COL24A1: variants seen among roughly 807,000 people sequenced by gnomAD.
COL24A1 encodes collagen type XXIV alpha 1 chain.
A neutral mutation model predicts 253.9 loss-of-function variants in COL24A1; 224 were observed. That is an observed-to-expected ratio of 0.88 (90% CI 0.79 to 0.99). The LOEUF (loss-of-function observed/expected upper bound fraction) is 0.99, where lower values mean the gene tolerates loss of function less well. Among genes scored for constraint, COL24A1 ranks in the 50% least tolerant of loss-of-function variants. The pLI is 0.00. For synonymous variants in COL24A1, 685 were observed against 673.7 expected (o/e 1.02, Z -0.26); for missense variants, 2,131 against 2,068.5 (o/e 1.03, Z -0.59).
chr1:85,774,012 A>T (rs1668262465), intron 53 of COL24A1, among the ~76,000 whole-genome samples: 1 of 152,164 alleles, frequency 6.6e-6, no homozygotes, highest in South Asian at 2.1e-4. Context: ...TGGGTTTGTC[A>T]TAAATAGCTC....
At chr1:85,804,736 C>T (rs1373968720) in intron 47 of COL24A1, among the ~76,000 whole-genome samples, 3 of 152,156 alleles carry the variant, frequency 2.0e-5, no homozygotes, top group Non-Finnish European at 2.9e-5. Flanking sequence ...CATCTCCCAC[C>T]AGGTCCCTCC....
At chr1:85,999,490 G>A (rs193160635) in intron 19 of COL24A1, among the ~76,000 whole-genome samples, 12 of 152,030 alleles carry the variant, frequency 7.9e-5, no homozygotes, top group Non-Finnish European at 1.8e-4. Context: ...GAGTGTGGTA[G>A]TGCATGCCTG....
chr1:85,971,487 G>T, intron 20 of COL24A1, 94 bp from the exon 21 acceptor site: 1 of 1,041,942 alleles, frequency 9.6e-7, no homozygotes, highest in Non-Finnish European at 1.4e-6. Flanking sequence ...AATACTCTTT[G>T]AAACCATTCA....
chr1:85,804,566 G>C (rs749408220), intron 47 of COL24A1, among the ~76,000 whole-genome samples: 1 of 152,186 alleles, frequency 6.6e-6, no homozygotes, highest in Non-Finnish European at 1.5e-5. Context: ...TCACAATTAT[G>C]GTGGAAGGCA....
intron 43 of COL24A1, among the ~76,000 whole-genome samples, chr1:85,830,307 G>A (rs60049801): frequency 0.01 from 1,539 of 152,232 alleles, 30 homozygotes; most frequent in African/African-American, 0.035. Context: ...CATGCTGGGA[G>A]AACCACTGCT....
At chr1:86,133,649 C>T (rs950705921) in intron 2 of COL24A1, among the ~76,000 whole-genome samples, 6 of 152,194 alleles carry the variant, frequency 3.9e-5, no homozygotes, top group South Asian at 4.2e-4. Context: ...TGCTGGATTA[C>T]GTTTATTGAT....
chr1:86,089,054 C>T (rs1264640443), intron 7 of COL24A1, 120 bp downstream of exon 7: 1 of 686,492 alleles, frequency 1.5e-6, no homozygotes, highest in African/African-American at 1.9e-5. Flanking sequence ...ATCATAGTCA[C>T]TGAAGACCTC....
At chr1:85,904,803 C>T (rs1201773261) in intron 28 of COL24A1, among the ~76,000 whole-genome samples, 1 of 152,068 alleles carries the variant, frequency 6.6e-6, no homozygotes, top group East Asian at 1.9e-4. Context: ...AATTTCAATA[C>T]TGCATGGTAC....
intron 43 of COL24A1, among the ~76,000 whole-genome samples, chr1:85,835,750 G>A (rs977894423): frequency 6.6e-6 from 1 of 152,118 alleles, no homozygotes; most frequent in Admixed American, 6.5e-5. Flanking sequence ...GGGGGAATAG[G>A]GAGTGACTGC....
intron 47 of COL24A1, among the ~76,000 whole-genome samples, chr1:85,809,752 T>A (rs1195659172): frequency 3.4e-5 from 5 of 148,734 alleles, no homozygotes; most frequent in Non-Finnish European, 7.4e-5. Flanking sequence ...TATGGAGATA[T>A]ATATATATAC....
intron 24 of COL24A1, among the ~76,000 whole-genome samples, chr1:85,926,820 AATAATT>A (rs945507006): frequency 3.2e-4 from 49 of 151,952 alleles, no homozygotes; most frequent in Admixed American, 2.5e-3. Context: ...GTATAATAAT[AATAATT>A]ATAATAATAA....
intron 7 of COL24A1, among the ~76,000 whole-genome samples, chr1:86,068,973 TA>T (rs993071771): frequency 5.3e-5 from 8 of 151,996 alleles, no homozygotes; most frequent in African/African-American, 1.9e-4. Context: ...CCACCAATGA[TA>T]CCCAGTGAGT....
intron 1 of COL24A1, among the ~76,000 whole-genome samples, chr1:86,147,023 T>C (rs1254706985): frequency 1.3e-5 from 2 of 152,162 alleles, no homozygotes; most frequent in African/African-American, 2.4e-5. Context: ...CTAATTTTGC[T>C]AATATAGACC....
chr1:86,033,933 G>T lies in COL24A1; in HGVS notation c.1951-10C>A, dbSNP rs544494235. 6.3e-7 allele frequency: 1 copy of T among 1,586,224 alleles called. No individual in the cohort carries two copies. The highest frequency in any genetic ancestry group is 2.3e-5 in the East Asian group (1 of 43,438). ...AGTCACCTGGAAAACCCTGTCACAG[G>T]GAAAGAGGAAGAATGCCAACATATA... On this transcript the variant is annotated splice_polypyrimidine_tract_variant and intron_variant, in intron 12 of 59. Coordinates refer to ENST00000370571, the MANE Select transcript of COL24A1 (RefSeq NM_152890.7).
chr1:85,786,205 C>T lies in COL24A1; in HGVS notation c.4059+149G>A, dbSNP rs1332513460. 8.6e-6 allele frequency: 5 copies of T among 581,308 alleles called. No homozygotes were observed. In the South Asian group the frequency reaches 1.7e-4, roughly 20 times the overall value. 36.0% of individuals were successfully genotyped at this position (581,308 alleles called of 1,614,324 possible). On this transcript the variant is annotated intron_variant, in intron 48 of 59. Coordinates refer to ENST00000370571, the MANE Select transcript of COL24A1 (RefSeq NM_152890.7). ...ATGGGAGATGGATATGTCAAAACTA[C>T]ATACTTTCTCTTTTCCTAACGTGCT...
At chr1:85,889,107 G>T (rs1376634369) in intron 32 of COL24A1, among the ~76,000 whole-genome samples, 2 of 152,022 alleles carry the variant, frequency 1.3e-5, no homozygotes, top group Non-Finnish European at 2.9e-5. Flanking sequence ...TTGTATTGAT[G>T]CAAGCTTTTG....
chr1:86,124,499 A>G (rs1461717814), intron 3 of COL24A1, among the ~76,000 whole-genome samples: 6 of 151,934 alleles, frequency 3.9e-5, no homozygotes, highest in African/African-American at 1.4e-4. Context: ...GCATTCTCCT[A>G]TGGTTTTCAA....
intron 5 of COL24A1, among the ~76,000 whole-genome samples, chr1:86,097,257 G>C (rs1703964326): frequency 6.6e-6 from 1 of 152,032 alleles, no homozygotes. Context: ...CTCTCCTTTT[G>C]TTCTCTCTTG....
chr1:86,017,631 A>G (rs2101248679), intron 18 of COL24A1, among the ~76,000 whole-genome samples: 1 of 152,314 alleles, frequency 6.6e-6, no homozygotes, highest in Non-Finnish European at 1.5e-5. Flanking sequence ...ATTAGTAATT[A>G]AGACTCACCT....
Sources: gnomAD v4.1 joint callset for allele counts (sites outside exome capture counted in the v4.1 genomes callset) on GRCh38, gnomAD v4.1.1 for gene constraint, MANE v1.5 for transcripts, NCBI Gene and HGNC (gene_info 2026-07-23, HGNC 2026-07-21) for gene names.